RAD1: variants seen among roughly 807,000 people sequenced by gnomAD.
The protein encoded by RAD1 is RAD1 checkpoint DNA exonuclease.
Under a neutral mutation model 30.0 loss-of-function variants are expected in RAD1, and 21 were observed. That is an observed-to-expected ratio of 0.70 (90% CI 0.50 to 1.01). The LOEUF is 1.01. Ranked by LOEUF, RAD1 falls within the 50% of genes least tolerant of loss-of-function variation. The pLI is 0.00. For synonymous variants in RAD1, 109 were observed against 113.6 expected (o/e 0.96, Z 0.26); for missense variants, 329 against 329.0 (o/e 1.00, Z 0.00).
intron 2 of RAD1, chr5:34,913,873 A>C: frequency 2.1e-6 from 1 of 469,684 alleles, no homozygotes; most frequent in Non-Finnish European, 4.2e-6. Flanking sequence ...GAGCAACATT[A>C]GTTTCAACTT....
At chr5:34,914,196 C>A (rs1763959413) in intron 2 of RAD1, among the ~76,000 whole-genome samples, 1 of 152,174 alleles carries the variant, frequency 6.6e-6, no homozygotes, top group Non-Finnish European at 1.5e-5. Context: ...AAAAAATACT[C>A]TTTAGTAATA....
chr5:34,913,018 C>A (rs1416016720), intron 3 of RAD1, among the ~76,000 whole-genome samples: 2 of 152,064 alleles, frequency 1.3e-5, no homozygotes, highest in Admixed American at 1.3e-4. Flanking sequence ...ACCACAAAAT[C>A]ATTTGGCAAA....
At chr5:34,913,866 CA>C (rs1236400879) in intron 2 of RAD1, 2 of 473,672 alleles carry the variant, frequency 4.2e-6, no homozygotes, top group Admixed American at 4.9e-5. Flanking sequence ...AATGCATGAG[CA>C]ACATTAGTTT....
intron 3 of RAD1, 133 bp downstream of exon 3, chr5:34,913,337 C>A (rs1459589150): frequency 6.3e-6 from 3 of 475,336 alleles, no homozygotes; most frequent in East Asian, 6.4e-5. Flanking sequence ...AATGTTAGAA[C>A]CCATGACTGT....
rs1416584235 is a variant in RAD1 at position 34,905,828 on chromosome 5, A to G, written c.*2937T>C. ...TAAAGTAAAAATTCCTGGGTCAATT[A>G]GAACACAAATAAGGAGGAAATTCTT... On this transcript the variant is annotated 3_prime_UTR_variant, in exon 6 of 6. Transcript: ENST00000382038. The G allele has an allele frequency of 6.6e-6, 1 of 152,248 alleles. No individual in the cohort carries two copies. Among genetic ancestry groups the G allele is most frequent in the African/African-American group, 2.4e-5 (1 of 41,468 alleles). The allele number at this position is 152,248 out of a possible 1,614,324, so 9.4% of individuals were successfully genotyped here. A position where few individuals can be genotyped will look rare whatever the true frequency, so the allele number is the denominator to read the frequency against.
In RAD1 at chr5:34,908,171, CT is replaced by C. The variant is rs398064717; in HGVS notation, c.*593del. ...CTGCATCAAACTTTAAGCCTTTAGA[CT>C]TTTTTTTTTTTTTTTTTTGAGGCAG... On this transcript the variant is annotated 3_prime_UTR_variant, in exon 6 of 6. Transcript: ENST00000382038. The C allele has an allele frequency of 0.014, 1,810 of 127,196 alleles. 8 individuals carry two copies. Among genetic ancestry groups the C allele is most frequent in the Non-Finnish European group, 0.019 (1,173 of 61,326 alleles). 7.9% of individuals were successfully genotyped at this position (127,196 alleles called of 1,614,324 possible). A position where few individuals can be genotyped will look rare whatever the true frequency, so the allele number is the denominator to read the frequency against.
Position 34,909,896 on chromosome 5 carries a change from C to T in RAD1, c.567-540G>A, listed in dbSNP as rs1024705302. On this transcript the variant is annotated intron_variant, in intron 4 of 5. Transcript: ENST00000382038. The stretch of plus-strand genomic sequence containing the variant: ...TGGAACATTTGCTGCAGGATTAGCA[C>T]GTTGCTAAGTATTATATGAGCATGG... 9.2e-5 allele frequency among the ~76,000 whole-genome samples: 14 copies of T among 152,296 alleles called. 1 individual carries two copies. Among genetic ancestry groups the T allele is most frequent in the South Asian group, 8.3e-4 (4 of 4,824 alleles).
Position 34,908,987 on chromosome 5 carries a change from G to A in RAD1, c.666-39C>T, listed in dbSNP as rs1287303582. 5 of 1,513,134 alleles carry A rather than the reference G, an allele frequency of 3.3e-6. No homozygotes were observed. The African/African-American group carries it at 5.6e-5, about 17-fold the overall frequency. The allele number at this position is 1,513,134 out of a possible 1,614,324, so 93.7% of individuals were successfully genotyped here. A position where few individuals can be genotyped will look rare whatever the true frequency, so the allele number is the denominator to read the frequency against. ...AATAAAACGCTGTTATATCAACACA[G>A]TGAACACTGCTCAGAACTCCCAAGT... On this transcript the variant is annotated intron_variant, in intron 5 of 5. Coordinates refer to ENST00000382038, the MANE Select transcript of RAD1 (RefSeq NM_002853.4).
Position 34,909,259 on chromosome 5 carries a change from T to G in RAD1, c.664A>C (p.Arg222=), listed in dbSNP as rs760451891. 1.9e-5 allele frequency: 31 copies of G among 1,596,378 alleles called. No individual in the cohort carries two copies. Among genetic ancestry groups the G allele is most frequent in the Non-Finnish European group, 2.6e-5 (30 of 1,165,070 alleles). ...AFHCNQTQVN[R]YKISLLKPST... ...ACAACCTCTATATTAAGAACTGACC[T>G]GTTGACTTGGGTCTGATTACAATGA... Residue 222 remains arginine (R), a splice_region_variant and synonymous_variant, in exon 5 of 6, where the codon AGA becomes CGA. Coordinates refer to ENST00000382038, the MANE Select transcript of RAD1 (RefSeq NM_002853.4).
rs2111954049 is a variant in RAD1 at position 34,914,061 on chromosome 5, C to T, written c.199-483G>A. The T allele has an allele frequency of 6.6e-6, 3 of 455,034 alleles. No individual in the cohort carries two copies. In the Middle Eastern group the frequency reaches 9.8e-4, roughly 149 times the overall value. 28.2% of individuals were successfully genotyped at this position (455,034 alleles called of 1,614,324 possible). ...GACAAGAACCGTGTCTTATTTACCT[C>T]TCTATCCCTGAGATCATGCTGTGCA... On this transcript the variant is annotated intron_variant, in intron 2 of 5. Coordinates refer to ENST00000382038, the MANE Select transcript of RAD1 (RefSeq NM_002853.4).
chr5:34,913,714 CA>C lies in RAD1; in HGVS notation c.199-137del, dbSNP rs1763925870. 7 of 609,550 alleles carry C rather than the reference CA, an allele frequency of 1.1e-5. No individual in the cohort carries two copies. The South Asian group carries it at 1.5e-4, about 13-fold the overall frequency. The allele number at this position is 609,550 out of a possible 1,614,324, so 37.8% of individuals were successfully genotyped here. ...ATGAGAATAATTTCTGATTAGCAAT[CA>C]AAACATCTTAGAGACATCCTTTGAA... is the stretch of plus-strand genomic sequence containing the variant. On this transcript the variant is annotated intron_variant, in intron 2 of 5. Coordinates refer to ENST00000382038, the MANE Select transcript of RAD1 (RefSeq NM_002853.4).
At position 34,908,613 on chromosome 5, in the gene RAD1, G is replaced by GT; in HGVS notation, c.*151dup. The GT allele has an allele frequency of 1.7e-6, 1 of 599,522 alleles. No individual in the cohort carries two copies. The highest frequency in any genetic ancestry group is 2.9e-5 in the East Asian group (1 of 34,826). The allele number at this position is 599,522 out of a possible 1,614,324, so 37.1% of individuals were successfully genotyped here. A position where few individuals can be genotyped will look rare whatever the true frequency, so the allele number is the denominator to read the frequency against. On this transcript the variant is annotated 3_prime_UTR_variant, in exon 6 of 6. Coordinates refer to ENST00000382038, the MANE Select transcript of RAD1 (RefSeq NM_002853.4). ...CTACAAAATGGATTTACAAAACATA[G>GT]TAACTATTAGGGTACATGACCTTGC...
chr5:34,911,951 GA>G, intron 3 of RAD1, 139 bp from the exon 4 acceptor site: 1 of 1,012,398 alleles, frequency 9.9e-7, no homozygotes, highest in East Asian at 2.5e-5. Flanking sequence ...CATAAAAAGG[GA>G]TGACATCTTC....
Position 34,914,835 on chromosome 5 carries a change from T to C in RAD1, c.58A>G (p.Ser20Gly). 6.2e-7 allele frequency: 1 copy of C among 1,614,228 alleles called. No individual in the cohort carries two copies. The highest frequency in any genetic ancestry group is 8.5e-7 in the Non-Finnish European group (1 of 1,180,044). Residue 20 changes from serine to glycine, a missense_variant, in exon 2 of 6, where the codon AGC (serine) becomes GGC (glycine). Physicochemically the swap from Ser to Gly is moderately conservative, Grantham distance 56 (BLOSUM62 0). Transcript: ENST00000382038. ...DEDDQYSLVA[S>G]LDNVRNLSTI... Reference sequence around the variant, plus strand: ...GAGAGATTCCTAACGTTGTCAAGGCTGGCCACAAGGCTGTACTGATCATCC... The same window carrying C: ...GAGAGATTCCTAACGTTGTCAAGGCCGGCCACAAGGCTGTACTGATCATCC...
Position 34,915,420 on chromosome 5 carries a change from G to A in RAD1, c.-74C>T, listed in dbSNP as rs41271663. 196 of 280,218 alleles carry A rather than the reference G, an allele frequency of 7.0e-4. No individual in the cohort carries two copies. Among genetic ancestry groups the A allele is most frequent in the African/African-American group, 4.1e-3 (186 of 45,636 alleles). 17.4% of individuals were successfully genotyped at this position (280,218 alleles called of 1,614,324 possible). On this transcript the variant is annotated 5_prime_UTR_variant, in exon 1 of 6. Coordinates refer to ENST00000382038, the MANE Select transcript of RAD1 (RefSeq NM_002853.4). ...CCCCGAGTGCGGAAACCCTACCTTT[G>A]CGGTGGGGTCTGGACGCCCGAGAGC...
chr5:34,914,124 C>T (rs1763956062), intron 2 of RAD1: 7 of 377,356 alleles, frequency 1.9e-5, no homozygotes, highest in Non-Finnish European at 1.1e-5. Flanking sequence ...ACTTGCAATC[C>T]TATCTGAACC....
chr5:34,913,427 C>T (rs748998968), intron 3 of RAD1, 43 bp downstream of exon 3: 2 of 1,166,878 alleles, frequency 1.7e-6, no homozygotes, highest in Non-Finnish European at 1.2e-6. Context: ...TTTCTGACCA[C>T]TATGTATAAC....
At position 34,914,887 on chromosome 5, in the gene RAD1, G is replaced by A. The variant is rs41271671; in HGVS notation, c.6C>T (p.Pro2=). M[P]LLTQQIQDED... ...CGTCTTGGATCTGTTGGGTCAGAAGGGGCATCGTCCACTGCGCATTCGGCC... is the reference window on the plus strand; with the variant it reads ...CGTCTTGGATCTGTTGGGTCAGAAGAGGCATCGTCCACTGCGCATTCGGCC... The change falls in exon 2 of 6, where the codon CCC becomes CCT. Residue 2 remains proline, a synonymous_variant. Transcript: ENST00000382038. The A allele has an allele frequency of 9.5e-5, 154 of 1,614,076 alleles. No individual in the cohort carries two copies. In the East Asian group the frequency reaches 2.7e-3, roughly 29 times the overall value.
rs370172915 is a variant in RAD1, at chr5:34,911,569, T to A, written c.551A>T (p.Asp184Val). The change falls in exon 4 of 6, where the codon GAC becomes GTC. Residue 184 changes from aspartate to valine, a missense_variant. Physicochemically the swap from Asp to Val is radical, Grantham distance 152. Transcript: ENST00000382038. ...SEVLQITMSP[D>V]KPYFRLSTFG... ...TCTCAAGTACCTGAAATAAGGCTTGTCAGGAGACATGGTAATTTGTAGGAC... is the reference window on the plus strand; with the variant it reads ...TCTCAAGTACCTGAAATAAGGCTTGACAGGAGACATGGTAATTTGTAGGAC... 3.6e-5 allele frequency: 58 copies of A among 1,614,044 alleles called. No homozygotes were observed. Among genetic ancestry groups the A allele is most frequent in the Middle Eastern group, 1.6e-4 (1 of 6,084 alleles).
Sources: gnomAD v4.1 joint callset for allele counts (sites outside exome capture counted in the v4.1 genomes callset) on GRCh38, gnomAD v4.1.1 for gene constraint, MANE v1.5 for transcripts, NCBI Gene and HGNC (gene_info 2026-07-23, HGNC 2026-07-21) for gene names.